Variants in KYAT1 observed in about 807,000 individuals in gnomAD.
The protein encoded by KYAT1 is kynurenine aminotransferase 1, also known as kynurenine--oxoglutarate transaminase 1.
A neutral mutation model predicts 52.4 loss-of-function variants in KYAT1; 47 were observed. That is an observed-to-expected ratio of 0.90 (90% confidence interval 0.71 to 1.14). The LOEUF (loss-of-function observed/expected upper bound fraction) is 1.14. Ranked by LOEUF, KYAT1 falls within the 50% of genes most tolerant of loss-of-function variation. The probability of loss-of-function intolerance (pLI) is 0.00; values close to 1 mark genes in which losing one functional copy is unlikely to be tolerated. For synonymous variants in KYAT1, 212 were observed against 209.6 expected, an observed-to-expected ratio of 1.01 and a Z score of -0.10; for missense variants, 480 against 557.9, an observed-to-expected ratio of 0.86 and a Z score of 1.41.
intron 3 of KYAT1, among the ~76,000 whole-genome samples, chr9:128,838,911 C>T (rs994637153): frequency 3.3e-5 from 5 of 152,250 alleles, no homozygotes; most frequent in African/African-American, 1.2e-4. Flanking sequence ...CCACTTGATC[C>T]TCCCAGCAGC....
Position 128,842,765 on chromosome 9 carries a change from G to A in KYAT1, c.90C>T (p.Val30=), listed in dbSNP as rs374906693. The part of the protein sequence containing the change: ...EFVKLASEHD[V]VNLGQGFPDF... ...CCGGGAAGCCCTGGCCCAAGTTCAC[G>A]ACGTCATGCTCACTGGCCAGTTTCA... The change falls in exon 3 of 13, where the codon GTC becomes GTT. Residue 30 remains valine (V), a synonymous_variant. Coordinates refer to ENST00000302586, the MANE Select transcript of KYAT1 (RefSeq NM_004059.5). 1.5e-5 allele frequency: 24 copies of A among 1,614,008 alleles called. No homozygotes were observed. The highest frequency in any genetic ancestry group is 6.7e-5 in the Admixed American group (4 of 59,990).
intron 2 of KYAT1, among the ~76,000 whole-genome samples, chr9:128,844,271 G>C (rs976052472): frequency 2.0e-5 from 3 of 152,096 alleles, no homozygotes; most frequent in Non-Finnish European, 4.4e-5. Flanking sequence ...GGCTGGGCCC[G>C]GTGGCTTATG....
chr9:128,871,212 G>C (rs1837182988), intron 1 of KYAT1, among the ~76,000 whole-genome samples: 1 of 151,998 alleles, frequency 6.6e-6, no homozygotes, highest in Non-Finnish European at 1.5e-5. Context: ...CAGCTACTCG[G>C]GAAGCTGAAG....
In KYAT1 at chr9:128,851,880, T is replaced by C. The variant is rs77341370; in HGVS notation, c.-6-6469A>G. On this transcript the variant is annotated intron_variant, in intron 1 of 12. Transcript: ENST00000302586. ...ATTAAAAGGAAAAAGTCCAGAATCA[T>C]TGGGGCCATTGGGGCTACAACCACA... Among the ~76,000 whole-genome samples the C allele has an allele frequency of 1.7e-3, 257 of 152,274 alleles. 1 individual carries two copies. The highest frequency in any genetic ancestry group is 5.5e-3 in the African/African-American group (229 of 41,550).
chr9:128,837,428 G>C (rs1015727970), intron 6 of KYAT1, among the ~76,000 whole-genome samples: 1 of 152,222 alleles, frequency 6.6e-6, no homozygotes, highest in Non-Finnish European at 1.5e-5. Flanking sequence ...GATACTTCGA[G>C]AGGCATAGTC....
chr9:128,836,302 GTT>G (rs71497420), intron 7 of KYAT1, among the ~76,000 whole-genome samples: 35 of 93,052 alleles, frequency 3.8e-4, no homozygotes, highest in South Asian at 2.6e-3. Context: ...TTCTTTCTTT[GTT>G]TTTTTTTTTT....
chr9:128,869,170 G>GT (rs201244446), intron 1 of KYAT1, among the ~76,000 whole-genome samples: 3 of 147,578 alleles, frequency 2.0e-5, no homozygotes, highest in East Asian at 2.1e-4. Flanking sequence ...CACCAAGCCT[G>GT]TTTTTTTTTG....
At chr9:128,865,308 CATATATATATATATAT>C (rs869044608) in intron 1 of KYAT1, among the ~76,000 whole-genome samples, 17 of 36,930 alleles carry the variant, frequency 4.6e-4, no homozygotes, top group East Asian at 2.8e-3. Context: ...GCAGAGCCTA[CATATATATATATATAT>C]ATATATATAT....
chr9:128,851,119 G>A (rs547317594), intron 1 of KYAT1, among the ~76,000 whole-genome samples: 23 of 152,188 alleles, frequency 1.5e-4, no homozygotes, highest in South Asian at 1.2e-3. Context: ...GCTGCATGCC[G>A]GTCTCCTGGG....
At chr9:128,844,716 T>A (rs1249160089) in intron 2 of KYAT1, among the ~76,000 whole-genome samples, 1 of 151,158 alleles carries the variant, frequency 6.6e-6, no homozygotes, top group Non-Finnish European at 1.5e-5. Context: ...AGAAAAAAAA[T>A]TAGCTGGGCG....
rs1831027785 is a variant in KYAT1, at chr9:128,836,041, T to C, written c.721A>G (p.Thr241Ala). The C allele has an allele frequency of 6.2e-7, 1 of 1,613,914 alleles. No homozygotes were observed. The highest frequency in any genetic ancestry group is 1.1e-5 in the South Asian group (1 of 91,086). ...AAGGTCTTGCCGGCGCTGCCGATGG[T>C]CAGGGTCCGTTCCCACATGCCAGGG... ...SLPGMWERTL[T>A]IGSAGKTFSA... Residue 241 changes from threonine to alanine, a missense_variant, in exon 8 of 13, where the codon ACC becomes GCC. By Grantham distance (58) the Thr-to-Ala change is moderately conservative (BLOSUM62 0). Transcript: ENST00000302586.
chr9:128,853,212 G>A (rs1271242578), intron 1 of KYAT1, among the ~76,000 whole-genome samples: 1 of 152,170 alleles, frequency 6.6e-6, no homozygotes, highest in Non-Finnish European at 1.5e-5. Flanking sequence ...TGGTCTTGCT[G>A]ATTTTGTGGG....
In KYAT1 at chr9:128,833,574, G is replaced by A. The variant is rs753969701; in HGVS notation, c.*10C>T. 2.2e-5 allele frequency: 35 copies of A among 1,613,800 alleles called. No individual in the cohort carries two copies. The highest frequency in any genetic ancestry group is 2.6e-5 in the Non-Finnish European group (31 of 1,179,788). ...TGTGGGGATGTCAGGGCCAAGGCGTGACTTCAGGGCTAGAGTTCCACCTTC... is the reference window on the plus strand; with the variant it reads ...TGTGGGGATGTCAGGGCCAAGGCGTAACTTCAGGGCTAGAGTTCCACCTTC... On this transcript the variant is annotated 3_prime_UTR_variant, in exon 13 of 13. Transcript: ENST00000302586.
At chr9:128,844,464 A>G (rs948488646) in intron 2 of KYAT1, among the ~76,000 whole-genome samples, 4 of 150,932 alleles carry the variant, frequency 2.7e-5, no homozygotes, top group Admixed American at 2.6e-4. Flanking sequence ...GTGGATCACG[A>G]GGTCAGGAGT....
chr9:128,869,027 C>CG (rs1836839663), intron 1 of KYAT1, among the ~76,000 whole-genome samples: 1 of 151,804 alleles, frequency 6.6e-6, no homozygotes, highest in Non-Finnish European at 1.5e-5. Flanking sequence ...TTTGTAGAGA[C>CG]GGGGGTCTCA....
Position 128,838,046 on chromosome 9 carries a change from C to G in KYAT1, c.438+5G>C, listed in dbSNP as rs1831445935. 1 of 1,613,982 alleles carries G rather than the reference C, an allele frequency of 6.2e-7. No homozygotes were observed. Among genetic ancestry groups the G allele is most frequent in the Non-Finnish European group, 8.5e-7 (1 of 1,179,876 alleles). Reference sequence around the variant, plus strand: ...GCCCATCCATCCTCTACCTAGCATCCTTACCGGCTTCAGGGACACAAACAC... The same window carrying G: ...GCCCATCCATCCTCTACCTAGCATCGTTACCGGCTTCAGGGACACAAACAC... On this transcript the variant is annotated splice_donor_5th_base_variant and intron_variant, in intron 5 of 12. Coordinates refer to ENST00000302586, the MANE Select transcript of KYAT1 (RefSeq NM_004059.5).
intron 7 of KYAT1, 180 bp from the exon 8 acceptor site, chr9:128,836,253 C>CTT (rs200314716): frequency 0.013 from 5,024 of 375,284 alleles, 1 homozygote; most frequent in East Asian, 0.028. Flanking sequence ...TTCCTTCTTT[C>CTT]TCTCTCTCTC....
chr9:128,852,124 A>T (rs77701508), intron 1 of KYAT1, among the ~76,000 whole-genome samples: 4 of 152,320 alleles, frequency 2.6e-5, no homozygotes, highest in Admixed American at 1.3e-4. Flanking sequence ...AAAACTATTT[A>T]AAAAAGGACA....
intron 12 of KYAT1, 38 bp downstream of exon 12, chr9:128,833,702 C>T: frequency 6.2e-7 from 1 of 1,613,532 alleles, no homozygotes; most frequent in Non-Finnish European, 8.5e-7. Flanking sequence ...CCTTGGGAAG[C>T]TCTGTGAGGT....
Sources: gnomAD v4.1 joint callset for allele counts (sites outside exome capture counted in the v4.1 genomes callset) on GRCh38, gnomAD v4.1.1 for gene constraint, MANE v1.5 for transcripts, NCBI Gene and HGNC (gene_info 2026-07-23, HGNC 2026-07-21) for gene names.